The following MREG variants were observed in gnomAD, a reference collection of about 807,000 sequenced individuals.
The protein encoded by MREG is dilute suppressor protein homolog.
MREG carries 31 observed loss-of-function variants against 28.5 expected under a neutral mutation model. The observed-to-expected ratio is 1.09, with a 90% confidence interval of 0.82 to 1.47. The LOEUF (loss-of-function observed/expected upper bound fraction) is 1.47. Among genes scored for constraint, MREG ranks in the 40% most tolerant of loss-of-function variants. The pLI is 0.00. For synonymous variants in MREG, 106 were observed against 95.2 expected (o/e 1.11, Z -0.66); for missense variants, 256 against 257.4 (o/e 0.99, Z 0.04).
At chr2:215,995,476 A>G (rs1693842907) in intron 2 of MREG, among the ~76,000 whole-genome samples, 1 of 152,224 alleles carries the variant, frequency 6.6e-6, no homozygotes, top group East Asian at 1.9e-4. Context: ...TCGTTAAGGA[A>G]AAGACAAGCT....
intron 2 of MREG, among the ~76,000 whole-genome samples, chr2:215,989,221 T>C (rs1693658990): frequency 6.6e-6 from 1 of 152,226 alleles, no homozygotes; most frequent in South Asian, 2.1e-4. Flanking sequence ...CTTGCTGTTC[T>C]ACAGCCTCCG....
intron 2 of MREG, among the ~76,000 whole-genome samples, chr2:215,978,137 A>G (rs1444309459): frequency 6.6e-6 from 1 of 152,162 alleles, no homozygotes; most frequent in Non-Finnish European, 1.5e-5. Flanking sequence ...GACCACTAGT[A>G]AGACTAATAA....
At chr2:215,946,031 T>G (rs1270039638) in intron 3 of MREG, among the ~76,000 whole-genome samples, 2 of 152,098 alleles carry the variant, frequency 1.3e-5, no homozygotes, top group Non-Finnish European at 2.9e-5. Context: ...TGAAGCCCTC[T>G]TTCCTGTCCT....
chr2:215,976,107 CAAAAAAAA>C (rs11323124), intron 2 of MREG, among the ~76,000 whole-genome samples: 1 of 139,390 alleles, frequency 7.2e-6, no homozygotes, highest in South Asian at 2.3e-4. Flanking sequence ...GACTCCGTCT[CAAAAAAAA>C]AAAAAAATGG....
At chr2:216,019,180 A>C (rs1694486819) in intron 1 of MREG, among the ~76,000 whole-genome samples, 1 of 152,118 alleles carries the variant, frequency 6.6e-6, no homozygotes, top group African/African-American at 2.4e-5. Context: ...GTCAATCAAT[A>C]CTAATTTTTT....
At chr2:216,002,895 G>A (rs1694054915) in intron 1 of MREG, among the ~76,000 whole-genome samples, 1 of 142,172 alleles carries the variant, frequency 7.0e-6, no homozygotes. Flanking sequence ...TTCTCTTTCT[G>A]TCTCTCTTCT....
intron 1 of MREG, among the ~76,000 whole-genome samples, chr2:216,004,295 C>T (rs1217367741): frequency 6.6e-6 from 1 of 152,182 alleles, no homozygotes; most frequent in Non-Finnish European, 1.5e-5. Context: ...TTGTTTCCTA[C>T]ACACTTATTT....
At chr2:216,027,444 C>A (rs566194905) in intron 1 of MREG, among the ~76,000 whole-genome samples, 1 of 152,316 alleles carries the variant, frequency 6.6e-6, no homozygotes, top group East Asian at 1.9e-4. Flanking sequence ...ATAATCCCAG[C>A]ACTTTGGGAA....
chr2:215,959,023 G>C (rs1316111653), intron 2 of MREG, among the ~76,000 whole-genome samples: 1 of 152,090 alleles, frequency 6.6e-6, no homozygotes, highest in African/African-American at 2.4e-5. Context: ...TTCAGGATCT[G>C]CTGCCTCTAA....
chr2:215,942,923 C>A lies in MREG; in HGVS notation c.*1940G>T, dbSNP rs1365300376. ...CATAACATGAGGCAAAGATTAAGCA[C>A]TAAATATAAAAAATAAAACTTTTAG... On this transcript the variant is annotated 3_prime_UTR_variant, in exon 5 of 5. Coordinates refer to ENST00000263268, the MANE Select transcript of MREG (RefSeq NM_018000.3). 6.5e-6 allele frequency: 1 copy of A among 152,672 alleles called. No individual in the cohort carries two copies. Among genetic ancestry groups the A allele is most frequent in the Non-Finnish European group, 1.5e-5 (1 of 68,122 alleles). 9.5% of individuals were successfully genotyped at this position (152,672 alleles called of 1,614,324 possible). A position where few individuals can be genotyped will look rare whatever the true frequency, so the allele number is the denominator to read the frequency against.
At chr2:215,963,898 A>G (rs1244294476) in intron 2 of MREG, among the ~76,000 whole-genome samples, 1 of 152,250 alleles carries the variant, frequency 6.6e-6, no homozygotes, top group Non-Finnish European at 1.5e-5. Flanking sequence ...GACAAGAAAA[A>G]AGATAAATAC....
Position 215,945,570 on chromosome 2 carries a change from C to A in MREG, c.510+1G>T. 6.2e-7 allele frequency: 1 copy of A among 1,609,700 alleles called. No individual in the cohort carries two copies. Among genetic ancestry groups the A allele is most frequent in the Non-Finnish European group, 8.5e-7 (1 of 1,178,596 alleles). On this transcript the variant is annotated splice_donor_variant, in intron 4 of 4. Coordinates refer to ENST00000263268, the MANE Select transcript of MREG (RefSeq NM_018000.3). LOFTEE classifies it high-confidence loss of function. ...GCAAATGAAAAAAAGCATCCACTTA[C>A]CACAACAAAGAGATATCTCTCTGAG...
intron 2 of MREG, among the ~76,000 whole-genome samples, chr2:215,988,425 T>C (rs1216055711): frequency 6.6e-6 from 1 of 152,172 alleles, no homozygotes; most frequent in Admixed American, 6.5e-5. Context: ...CTTGGGTGCC[T>C]ATGCCACCAG....
intron 1 of MREG, among the ~76,000 whole-genome samples, chr2:216,007,888 A>G (rs1694202783): frequency 6.6e-6 from 1 of 152,132 alleles, no homozygotes; most frequent in South Asian, 2.1e-4. Context: ...TTCAATGTTG[A>G]TAGAGCAACA....
intron 2 of MREG, among the ~76,000 whole-genome samples, chr2:215,992,764 C>CG (rs1693750013): frequency 6.6e-6 from 1 of 152,152 alleles, no homozygotes; most frequent in Non-Finnish European, 1.5e-5. Context: ...TTCCTGTACA[C>CG]CAATAATAGG....
chr2:215,972,986 C>T (rs1693145708), intron 2 of MREG, among the ~76,000 whole-genome samples: 2 of 152,030 alleles, frequency 1.3e-5, no homozygotes, highest in African/African-American at 4.8e-5. Flanking sequence ...GGACATGTAA[C>T]TGGGTGAAAA....
intron 1 of MREG, among the ~76,000 whole-genome samples, chr2:216,009,745 A>G (rs1694248986): frequency 1.3e-5 from 2 of 152,098 alleles, no homozygotes; most frequent in African/African-American, 2.4e-5. Context: ...CATGTTGGCC[A>G]GCCTGGTCTC....
upstream of MREG, among the ~76,000 whole-genome samples, chr2:216,033,385 A>C (rs1694741152): frequency 1.3e-5 from 2 of 152,164 alleles, no homozygotes. Flanking sequence ...CCTTCACAAG[A>C]GCGAGTAAGT....
chr2:215,999,460 G>A (rs1693954395), intron 1 of MREG, among the ~76,000 whole-genome samples: 1 of 152,150 alleles, frequency 6.6e-6, no homozygotes, highest in African/African-American at 2.4e-5. Context: ...GAAAGAGATG[G>A]GCAGGGCTTC....
Sources: allele counts gnomAD v4.1 joint callset (sites outside exome capture counted in the v4.1 genomes callset), GRCh38; gene constraint gnomAD v4.1.1; transcripts MANE v1.5; gene names NCBI Gene and HGNC (gene_info 2026-07-23, HGNC 2026-07-21).